LPA: variants seen among roughly 807,000 people sequenced by gnomAD.
The protein encoded by LPA is apolipoprotein(a).
In LPA, 199 loss-of-function variants were observed where a neutral mutation model predicts 197.9. The ratio of observed to expected loss-of-function variants is 1.01; its 90% CI spans 0.90 to 1.13. The LOEUF is 1.13. Among genes scored for constraint, LPA ranks in the 50% most tolerant of loss-of-function variants. The probability of loss-of-function intolerance (pLI) is 0.00; values close to 1 mark genes in which losing one functional copy is unlikely to be tolerated. For missense variants in LPA, 1,853 were observed against 1,785.8 expected (o/e 1.04, Z -0.68); for synonymous variants, 715 against 639.5 (o/e 1.12, Z -1.78).
intron 22 of LPA, 22 bp from the exon 23 acceptor site, chr6:160,591,123 A>C: frequency 6.2e-7 from 1 of 1,612,742 alleles, no homozygotes. Context: ...AAAACAATAC[A>C]GTTCACCAGA....
chr6:160,578,144 T>C (rs1249356780), intron 27 of LPA, among the ~76,000 whole-genome samples: 5 of 152,148 alleles, frequency 3.3e-5, no homozygotes, highest in African/African-American at 9.7e-5. Context: ...AAACTGTAGA[T>C]TGCAATGAAA....
rs1778986277 is a variant in LPA at position 160,589,642 on chromosome 6, G to T, written c.3858C>A (p.Phe1286Leu). 4.3e-6 allele frequency: 7 copies of T among 1,614,016 alleles called. No homozygotes were observed. Among genetic ancestry groups the T allele is most frequent in the Non-Finnish European group, 5.9e-6 (7 of 1,179,886 alleles). ...HGDGQSYRGS[F>L]STTVTGRTCQ... ...ATGTCCTTCCTGTAACAGTGGTGGA[G>T]AATGAGCCTCGATAACTCTGTCCAT... Residue 1286 changes from phenylalanine to leucine, a missense_variant, in exon 24 of 39, where the codon TTC becomes TTA. This residue lies in a region of LPA where 1,737 missense variants were observed against 1,504.4 expected (regional missense o/e 1.15). Coordinates refer to ENST00000316300, the MANE Select transcript of LPA (RefSeq NM_005577.4).
At chr6:160,553,931 C>T (rs185163543) in intron 30 of LPA, among the ~76,000 whole-genome samples, 1 of 65,680 alleles carries the variant, frequency 1.5e-5, no homozygotes, top group East Asian at 3.4e-4. Context: ...CTCTCTCTCT[C>T]TCTCTCTGTG....
At chr6:160,560,403 C>T (rs1050341573) in intron 28 of LPA, among the ~76,000 whole-genome samples, 1 of 152,230 alleles carries the variant, frequency 6.6e-6, no homozygotes, top group Non-Finnish European at 1.5e-5. Flanking sequence ...TACACTCCCA[C>T]CAACAGTGTA....
intron 34 of LPA, 118 bp downstream of exon 34, chr6:160,542,570 C>T: frequency 6.8e-7 from 1 of 1,473,618 alleles, no homozygotes; most frequent in Non-Finnish European, 9.2e-7. Context: ...TTTCCTCCTT[C>T]AGAAAACAGA....
At chr6:160,652,786 G>C (rs971054818) in intron 1 of LPA, among the ~76,000 whole-genome samples, 1 of 152,062 alleles carries the variant, frequency 6.6e-6, no homozygotes, top group African/African-American at 2.4e-5. Flanking sequence ...GAGGGAGGAA[G>C]GAGAAGTGCA....
intron 2 of LPA, among the ~76,000 whole-genome samples, chr6:160,646,972 G>T (rs1582896563): frequency 1.3e-5 from 2 of 152,268 alleles, no homozygotes; most frequent in East Asian, 1.9e-4. Flanking sequence ...GAAAAGCATT[G>T]TGCAAATAGT....
At chr6:160,654,027 A>T (rs7773713) in intron 1 of LPA, among the ~76,000 whole-genome samples, 2 of 6,564 alleles carry the variant, frequency 3.0e-4, no homozygotes, top group South Asian at 4.5e-3. Context: ...TATAATATAT[A>T]ATATATATTA....
chr6:160,573,299 TTAAGC>T (rs1181735075), intron 28 of LPA, among the ~76,000 whole-genome samples: 1 of 152,190 alleles, frequency 6.6e-6, no homozygotes, highest in Non-Finnish European at 1.5e-5. Flanking sequence ...TGTTTTTTTA[TTAAGC>T]TATCTATTTT....
At position 160,601,113 on chromosome 6, in the gene LPA, A is replaced by G. The variant is rs1463267821; in HGVS notation, c.2946-15T>C. On this transcript the variant is annotated splice_polypyrimidine_tract_variant and intron_variant, in intron 18 of 38. Transcript: ENST00000316300. ...TGATCAAGCCACTGGAAATTCCAAA[A>G]GAATACACATCACAAAAAATGGGTA... 4.3e-6 allele frequency: 7 copies of G among 1,613,802 alleles called. No homozygotes were observed. The highest frequency in any genetic ancestry group is 5.1e-6 in the Non-Finnish European group (6 of 1,179,704).
intron 30 of LPA, among the ~76,000 whole-genome samples, chr6:160,553,866 C>G (rs1448801123): frequency 1.3e-5 from 2 of 151,786 alleles, no homozygotes; most frequent in Non-Finnish European, 2.9e-5. Context: ...TTGCTATTTT[C>G]ACTGATATCC....
chr6:160,555,640 T>A (rs1778250389), intron 30 of LPA, among the ~76,000 whole-genome samples: 1 of 151,672 alleles, frequency 6.6e-6, no homozygotes, highest in African/African-American at 2.4e-5. Flanking sequence ...TTGTGACCCA[T>A]GACAAAAATG....
Position 160,540,082 on chromosome 6 carries a change from T to C in LPA, c.5696A>G (p.Glu1899Gly). The C allele has an allele frequency of 6.2e-7, 1 of 1,614,126 alleles. No homozygotes were observed. Among genetic ancestry groups the C allele is most frequent in the Non-Finnish European group, 8.5e-7 (1 of 1,180,036 alleles). Residue 1899 changes from glutamate (E) to glycine (G), a missense_variant, in exon 36 of 39, where the codon GAG becomes GGG. Glu to Gly is a moderately conservative substitution (Grantham distance 98, BLOSUM62 -2). This residue lies in a region of LPA where 1,737 missense variants were observed against 1,504.4 expected (regional missense o/e 1.15). Coordinates refer to ENST00000316300, the MANE Select transcript of LPA (RefSeq NM_005577.4). ...CAAGGCAATATCTGCTTGTGTGGGC[T>C]CCAAGAACAGCCTAGACACTTCTAT... is the stretch of plus-strand genomic sequence containing the variant. ...QEIEVSRLFL[E>G]PTQADIALLK...
Position 160,547,719 on chromosome 6 carries a change from C to T in LPA, c.5304+70G>A, listed in dbSNP as rs1441443298. On this transcript the variant is annotated intron_variant, in intron 32 of 38. Transcript: ENST00000316300. ...CCTCCTGAAGTCTTTCCAGTATTTT[C>T]CTCTGCCCCTCTTCTGTTTGAAAAG... 4 of 1,605,028 alleles carry T rather than the reference C, an allele frequency of 2.5e-6. No homozygotes were observed. In the African/African-American group the frequency reaches 5.4e-5, roughly 21 times the overall value.
At chr6:160,589,861 C>T (rs1442363567) in intron 23 of LPA, 149 bp from the exon 24 acceptor site, 17 of 884,886 alleles carry the variant, frequency 1.9e-5, no homozygotes, top group Non-Finnish European at 1.6e-5. Context: ...ATGCCAATAA[C>T]AAAGCTCAAA....
chr6:160,553,905 T>G (rs1778205937), intron 30 of LPA, among the ~76,000 whole-genome samples: 2 of 142,098 alleles, frequency 1.4e-5, no homozygotes, highest in African/African-American at 2.6e-5. Context: ...TTTTCAGCCT[T>G]TCTCTCTCTC....
intron 37 of LPA, among the ~76,000 whole-genome samples, chr6:160,534,940 G>A (rs1332560621): frequency 2.0e-5 from 3 of 150,140 alleles, no homozygotes; most frequent in Non-Finnish European, 4.4e-5. Flanking sequence ...TGTTAATGAT[G>A]GTGATGGTGA....
chr6:160,534,660 A>G (rs1777858395), intron 37 of LPA, among the ~76,000 whole-genome samples: 1 of 152,230 alleles, frequency 6.6e-6, no homozygotes, highest in African/African-American at 2.4e-5. Flanking sequence ...CATTATTAAC[A>G]TGTAGAAAGT....
intron 33 of LPA, among the ~76,000 whole-genome samples, chr6:160,544,478 CCTT>C (rs1330637084): frequency 1.3e-5 from 2 of 152,156 alleles, no homozygotes; most frequent in Non-Finnish European, 2.9e-5. Flanking sequence ...CCTAACCTCT[CCTT>C]CTTCCCTCTT....
Sources: gnomAD v4.1 joint callset for allele counts (sites outside exome capture counted in the v4.1 genomes callset) on GRCh38, gnomAD v4.1.1 for gene constraint, gnomAD v4.1.1 regional missense constraint, MANE v1.5 for transcripts, NCBI Gene and HGNC (gene_info 2026-07-23, HGNC 2026-07-21) for gene names.